Variants in TANC2 observed in about 807,000 individuals in gnomAD.
The protein encoded by TANC2 is protein TANC2.
A neutral mutation model predicts 210.5 loss-of-function variants in TANC2; 26 were observed. That is an observed-to-expected ratio of 0.12 (90% CI 0.09 to 0.17). The LOEUF is 0.17. TANC2 is among the 10% of genes least tolerant of loss of function. The pLI, the probability that TANC2 is intolerant of heterozygous loss-of-function variation, is 1.00. For synonymous variants in TANC2, 931 were observed against 967.1 expected (o/e 0.96, Z 0.69); for missense variants, 2,129 against 2,608.9 (o/e 0.82, Z 4.01).
chr17:63,162,774 G>A (rs2040072789), intron 5 of TANC2, among the ~76,000 whole-genome samples: 1 of 152,004 alleles, frequency 6.6e-6, no homozygotes, highest in African/African-American at 2.4e-5. Context: ...CTGAAAGTGA[G>A]GATGAGGAAA....
At chr17:63,037,375 C>T (rs529882306) in intron 2 of TANC2, among the ~76,000 whole-genome samples, 212 of 152,128 alleles carry the variant, frequency 1.4e-3, no homozygotes, top group Non-Finnish European at 1.9e-3. Context: ...TTGGTAATTT[C>T]TGGGATTTTC....
intron 18 of TANC2, among the ~76,000 whole-genome samples, chr17:63,397,702 C>T (rs969748774): frequency 2.0e-5 from 3 of 152,136 alleles, no homozygotes; most frequent in Non-Finnish European, 2.9e-5. Context: ...GTAATATTCC[C>T]ACCATGCAGA....
intron 12 of TANC2, among the ~76,000 whole-genome samples, chr17:63,346,806 G>A (rs2046425964): frequency 6.6e-6 from 1 of 152,068 alleles, no homozygotes; most frequent in Non-Finnish European, 1.5e-5. Flanking sequence ...CTCGGCTCAA[G>A]CAATCCTCCC....
In TANC2 at chr17:62,966,254, C is replaced by T. The variant is rs1427825378; in HGVS notation, c.-519C>T. Among the ~76,000 whole-genome samples the T allele has an allele frequency of 2.1e-5, 3 of 145,986 alleles. No homozygotes were observed. The highest frequency in any genetic ancestry group is 4.6e-5 in the Non-Finnish European group (3 of 65,706). ...CGCGGCGGCGGCGCTAGCGAGCGGC[C>T]GGCGGGGCGCGGGTTGCTGGGCGCG... On this transcript the variant is annotated 5_prime_UTR_variant, in exon 1 of 28. Transcript: ENST00000689528. The surrounding 1 kb of genome is among the most constrained non-coding windows in gnomAD (Gnocchi z 5.1).
intron 17 of TANC2, chr17:63,391,352 TC>T (rs1355724795): frequency 1.3e-5 from 2 of 152,166 alleles, no homozygotes; most frequent in African/African-American, 4.8e-5. Flanking sequence ...AGGAGGCAAC[TC>T]ATTAAAATGA....
chr17:63,201,371 G>A (rs941700784), intron 7 of TANC2, among the ~76,000 whole-genome samples: 4 of 152,138 alleles, frequency 2.6e-5, no homozygotes, highest in Admixed American at 6.5e-5. Flanking sequence ...GGGTCTATTT[G>A]TGCAAACCAT....
chr17:63,388,820 G>A (rs1277779484), intron 16 of TANC2, 63 bp downstream of exon 16: 7 of 1,283,530 alleles, frequency 5.5e-6, no homozygotes, highest in Non-Finnish European at 2.1e-6. Context: ...AAAACTAGAA[G>A]GACATTAAGT....
Position 63,418,460 on chromosome 17 carries a change from G to A in TANC2, c.4268+53G>A. 1 of 1,551,202 alleles carries A rather than the reference G, an allele frequency of 6.4e-7. No homozygotes were observed. Among genetic ancestry groups the A allele is most frequent in the South Asian group, 1.2e-5 (1 of 85,010 alleles). On this transcript the variant is annotated intron_variant, in intron 27 of 27. Coordinates refer to ENST00000689528, the Ensembl canonical transcript of TANC2. The surrounding 1 kb of genome is among the most constrained non-coding windows in gnomAD (Gnocchi z 4.6). Reference sequence around the variant, plus strand: ...AAGAGGTCTCTTTTCTGAAAATTTGGCCAAGGCAGCGTCGGCCACCCTGGG... The same window carrying A: ...AAGAGGTCTCTTTTCTGAAAATTTGACCAAGGCAGCGTCGGCCACCCTGGG...
intron 9 of TANC2, among the ~76,000 whole-genome samples, chr17:63,310,330 C>G (rs2045078587): frequency 6.6e-6 from 1 of 152,058 alleles, no homozygotes; most frequent in South Asian, 2.1e-4. Flanking sequence ...GCCTGTAGTC[C>G]CAGCTACTCA....
chr17:62,973,573 A>G (rs1234293667), intron 1 of TANC2, among the ~76,000 whole-genome samples: 1 of 152,216 alleles, frequency 6.6e-6, no homozygotes, highest in East Asian at 1.9e-4. Context: ...AAATATACAC[A>G]CCATCTAAAA....
At position 63,421,388 on chromosome 17, in the gene TANC2, T is replaced by A. The variant is rs763199746; in HGVS notation, c.5658T>A (p.Ser1886=). 71 of 1,613,872 alleles carry A rather than the reference T, an allele frequency of 4.4e-5. No individual in the cohort carries two copies. The South Asian group carries it at 7.4e-4, about 17-fold the overall frequency. Reference sequence around the variant, plus strand: ...ACCTAACTCCGACCTTCCGGCCATCTTCTTCCATCCAGCAAATGGAGATCC... The same window carrying A: ...ACCTAACTCCGACCTTCCGGCCATCATCTTCCATCCAGCAAATGGAGATCC... Residue 1886 remains serine (S), a synonymous_variant, in exon 28 of 28, where the codon TCT becomes TCA. Coordinates refer to ENST00000689528, the Ensembl canonical transcript of TANC2. This position sits in a 1 kb window ranked among gnomAD's most constrained non-coding sequence, Gnocchi z 6.9.
At chr17:63,193,939 T>C (rs1302971686) in intron 5 of TANC2, 52 bp from the exon 6 acceptor site, 3 of 1,550,788 alleles carry the variant, frequency 1.9e-6, no homozygotes, top group Non-Finnish European at 2.6e-6. Flanking sequence ...GTTGCAGAAC[T>C]AGACCATTTT....
intron 1 of TANC2, among the ~76,000 whole-genome samples, chr17:62,972,498 T>C (rs1388085526): frequency 1.3e-5 from 2 of 152,194 alleles, no homozygotes; most frequent in African/African-American, 4.8e-5. Context: ...ATAGAAATGA[T>C]CTTGTTGGTG....
At chr17:63,308,648 T>C (rs1047501393) in intron 9 of TANC2, among the ~76,000 whole-genome samples, 1 of 152,216 alleles carries the variant, frequency 6.6e-6, no homozygotes, top group Non-Finnish European at 1.5e-5. Context: ...TTTCATTTTC[T>C]AAAAATGTAT....
At chr17:63,270,538 A>G (rs1351976680) in intron 9 of TANC2, among the ~76,000 whole-genome samples, 1 of 152,156 alleles carries the variant, frequency 6.6e-6, no homozygotes, top group African/African-American at 2.4e-5. Context: ...TTAAAATGAA[A>G]CTACCCCCAA....
intron 7 of TANC2, 70 bp downstream of exon 7, chr17:63,201,027 G>A (rs139954101): frequency 7.2e-7 from 1 of 1,396,508 alleles, no homozygotes; most frequent in Non-Finnish European, 9.6e-7. Context: ...ACAAGCTTAA[G>A]GTTTTTAAAA....
At chr17:63,374,032 G>GTTTTTTTTTTTTTT (rs35801082) in intron 14 of TANC2, among the ~76,000 whole-genome samples, 1 of 93,528 alleles carries the variant, frequency 1.1e-5, no homozygotes, top group Non-Finnish European at 2.0e-5. Context: ...GTTGTTGTTG[G>GTTTTTTTTTTTTTT]TTTTTTTTTT....
chr17:63,411,410 C>T (rs2048699423), intron 21 of TANC2, 101 bp from the exon 22 acceptor site: 6 of 1,161,382 alleles, frequency 5.2e-6, no homozygotes, highest in South Asian at 1.6e-5. Flanking sequence ...AGTCCAGAAA[C>T]GAGCAGTGTT....
chr17:63,048,986 GC>G (rs1442937861), intron 2 of TANC2, among the ~76,000 whole-genome samples: 1 of 152,032 alleles, frequency 6.6e-6, no homozygotes, highest in Non-Finnish European at 1.5e-5. Context: ...TTTAAATTTA[GC>G]CCTTAGTAAA....
Sources: gnomAD v4.1 joint callset for allele counts (sites outside exome capture counted in the v4.1 genomes callset) on GRCh38, gnomAD v4.1.1 for gene constraint, Gnocchi (gnomAD v3.1) non-coding constraint, MANE v1.5 for transcripts, NCBI Gene and HGNC (gene_info 2026-07-23, HGNC 2026-07-21) for gene names.